The following PCLO variants were observed in gnomAD, a reference collection of about 807,000 sequenced individuals.
PCLO encodes protein piccolo.
A neutral mutation model predicts 427.5 loss-of-function variants in PCLO; 82 were observed. The observed-to-expected ratio is 0.19, with a 90% confidence interval of 0.16 to 0.23. The LOEUF (loss-of-function observed/expected upper bound fraction) is 0.23, where lower values mean the gene tolerates loss of function less well. Among genes scored for constraint, PCLO ranks in the 10% least tolerant of loss-of-function variants. The probability of loss-of-function intolerance (pLI) is 1.00; values close to 1 mark genes in which losing one functional copy is unlikely to be tolerated. For missense variants in PCLO, 6,239 were observed against 6,115.9 expected (o/e 1.02, Z -0.67); for synonymous variants, 2,357 against 2,155.4 (o/e 1.09, Z -2.59).
chr7:82,926,741 T>C (rs779533348), intron 6 of PCLO, among the ~76,000 whole-genome samples: 2 of 152,220 alleles, frequency 1.3e-5, no homozygotes, highest in Non-Finnish European at 2.9e-5. Context: ...GTGACACTTA[T>C]TGCATTATAT....
chr7:82,908,057 T>G (rs1794233375), intron 8 of PCLO, among the ~76,000 whole-genome samples: 1 of 152,054 alleles, frequency 6.6e-6, no homozygotes, highest in Admixed American at 6.6e-5. Flanking sequence ...GTAAATAAAA[T>G]AAGTCAACTA....
intron 3 of PCLO, among the ~76,000 whole-genome samples, chr7:83,063,068 C>A (rs567949870): frequency 4.7e-4 from 72 of 151,998 alleles, no homozygotes; most frequent in African/African-American, 1.7e-3. Context: ...GTTATCTAAG[C>A]CTTGTAACAA....
chr7:82,975,551 T>C (rs1795998253), intron 3 of PCLO, among the ~76,000 whole-genome samples: 1 of 152,146 alleles, frequency 6.6e-6, no homozygotes, highest in Non-Finnish European at 1.5e-5. Flanking sequence ...TAGAACACAG[T>C]GCAATACTGT....
chr7:83,037,988 C>CTT (rs1424607864), intron 3 of PCLO, among the ~76,000 whole-genome samples: 1 of 14,258 alleles, frequency 7.0e-5, no homozygotes, highest in African/African-American at 2.0e-4. Flanking sequence ...TAAGGAGGAG[C>CTT]TTATATATAT....
At chr7:82,919,028 T>G (rs955408740) in intron 6 of PCLO, among the ~76,000 whole-genome samples, 1 of 151,962 alleles carries the variant, frequency 6.6e-6, no homozygotes, top group Non-Finnish European at 1.5e-5. Context: ...AAAATGCACA[T>G]TACAAATAGT....
intron 8 of PCLO, among the ~76,000 whole-genome samples, chr7:82,906,558 T>A (rs1794196512): frequency 6.6e-6 from 1 of 152,040 alleles, no homozygotes; most frequent in Non-Finnish European, 1.5e-5. Context: ...AATAAATGTA[T>A]GTTATAGTAG....
Position 82,845,338 on chromosome 7 carries a change from C to G in PCLO, c.13979G>C (p.Ser4660Thr). Residue 4660 changes from serine to threonine, a missense_variant, in exon 13 of 25, where the codon AGT becomes ACT. Ser to Thr is a moderately conservative substitution (Grantham distance 58). Transcript: ENST00000333891. ...VHSGPTSAGS[S>T]SVPSPGQPGS... ...TGGTTGCCCAGGGCTGGGAACGGAACTGGATCCTGCTGATGTAGGACCTGA... is the reference window on the plus strand; with the variant it reads ...TGGTTGCCCAGGGCTGGGAACGGAAGTGGATCCTGCTGATGTAGGACCTGA... The G allele has an allele frequency of 1.9e-6, 3 of 1,613,528 alleles. No individual in the cohort carries two copies. The African/African-American group carries it at 4.0e-5, about 22-fold the overall frequency.
At chr7:82,912,860 T>C (rs1176574930) in intron 7 of PCLO, among the ~76,000 whole-genome samples, 2 of 152,056 alleles carry the variant, frequency 1.3e-5, no homozygotes, top group Non-Finnish European at 2.9e-5. Flanking sequence ...TAAATCAAAC[T>C]CTCTTTAGAT....
chr7:83,024,673 ACAG>A (rs1369674882), intron 3 of PCLO, among the ~76,000 whole-genome samples: 2 of 152,212 alleles, frequency 1.3e-5, no homozygotes, highest in Non-Finnish European at 2.9e-5. Flanking sequence ...AAACAAAAAG[ACAG>A]CAGTAACCTC....
intron 3 of PCLO, among the ~76,000 whole-genome samples, chr7:83,000,268 TGAGAGAGAGAGAGAGAGAGAGAGA>T (rs145445022): frequency 1.8e-5 from 1 of 54,116 alleles, no homozygotes; most frequent in South Asian, 7.8e-4. Context: ...TTCAAAGTGT[TGAGAGAGAGAGAGAGAGAGAGAGA>T]GAGAGAGAGA....
At chr7:82,933,288 A>G (rs1794880425) in intron 6 of PCLO, among the ~76,000 whole-genome samples, 1 of 152,208 alleles carries the variant, frequency 6.6e-6, no homozygotes, top group South Asian at 2.1e-4. Flanking sequence ...TAGTGCTTCA[A>G]GATTTTAGTT....
chr7:82,883,587 A>C (rs939320894), intron 9 of PCLO, among the ~76,000 whole-genome samples: 2 of 152,098 alleles, frequency 1.3e-5, no homozygotes, highest in East Asian at 3.9e-4. Flanking sequence ...ATAACAATCC[A>C]TATTTTACAG....
In PCLO at chr7:83,162,472, T is replaced by G; in HGVS notation, c.121A>C (p.Met41Leu). 1 of 1,585,250 alleles carries G rather than the reference T, an allele frequency of 6.3e-7. No homozygotes were observed. The highest frequency in any genetic ancestry group is 8.6e-7 in the Non-Finnish European group (1 of 1,165,618). ...CTCAGCTGGCTCAAATCCGCCTCCA[T>G]GCCGGCCGGGATCGCGGTGTGAGAG... ...SPSHTAIPAG[M>L]EADLSQLSEE... Residue 41 changes from methionine (M) to leucine (L), a missense_variant, in exon 1 of 25, where the codon ATG becomes CTG. Coordinates refer to ENST00000333891, the MANE Select transcript of PCLO (RefSeq NM_033026.6).
chr7:82,921,664 C>T (rs1449606180), intron 6 of PCLO, among the ~76,000 whole-genome samples: 3 of 151,876 alleles, frequency 2.0e-5, no homozygotes, highest in South Asian at 2.1e-4. Flanking sequence ...GTAGGAAATG[C>T]AATTCTGAAC....
chr7:82,822,414 A>T (rs1216498464), intron 20 of PCLO, 81 bp downstream of exon 20: 1 of 1,608,312 alleles, frequency 6.2e-7, no homozygotes, highest in Non-Finnish European at 8.5e-7. Context: ...AACTGAAAGC[A>T]AACAGGAAAG....
In PCLO at chr7:82,956,728, A is replaced by G. The variant is rs773726251; in HGVS notation, c.4225T>C (p.Leu1409=). 6.2e-7 allele frequency: 1 copy of G among 1,613,820 alleles called. No individual in the cohort carries two copies. Among genetic ancestry groups the G allele is most frequent in the Admixed American group, 1.7e-5 (1 of 59,998 alleles). ...AGGACTGTACTTTCTAACTTAGCCA[A>G]ATCTGAGGGGCTGGAAGGGCTGCTT... ...QESSPSSPSD[L]AKLESTVLSI... Residue 1409 remains leucine, a synonymous_variant, in exon 5 of 25, where the codon TTG becomes CTG. Transcript: ENST00000333891.
intron 10 of PCLO, among the ~76,000 whole-genome samples, chr7:82,857,412 T>A (rs943923755): frequency 2.6e-5 from 4 of 152,162 alleles, no homozygotes; most frequent in African/African-American, 9.6e-5. Flanking sequence ...GATATTCATA[T>A]ATTCTGTACT....
intron 7 of PCLO, among the ~76,000 whole-genome samples, chr7:82,911,106 G>C (rs1404050300): frequency 2.0e-5 from 3 of 152,030 alleles, no homozygotes; most frequent in Non-Finnish European, 4.4e-5. Context: ...TAGAAATAAA[G>C]TAGAAGTTCA....
intron 10 of PCLO, among the ~76,000 whole-genome samples, chr7:82,864,810 T>TA (rs770622768): frequency 1.3e-5 from 2 of 151,960 alleles, no homozygotes; most frequent in Non-Finnish European, 2.9e-5. Context: ...GGTTAAGATT[T>TA]AAAAAAAATA....
Sources: allele counts gnomAD v4.1 joint callset (sites outside exome capture counted in the v4.1 genomes callset), GRCh38; gene constraint gnomAD v4.1.1; transcripts MANE v1.5; gene names NCBI Gene and HGNC (gene_info 2026-07-23, HGNC 2026-07-21).